Variants in MAP3K15 observed in about 807,000 individuals in gnomAD.
MAP3K15 encodes mitogen-activated protein kinase kinase kinase 15.
MAP3K15 carries 124 observed loss-of-function variants against 99.5 expected under a neutral mutation model. The ratio of observed to expected loss-of-function variants is 1.25; its 90% CI spans 1.08 to 1.45. The LOEUF is 1.45. MAP3K15 is among the 40% of genes most tolerant of loss of function. The pLI, the probability that MAP3K15 is intolerant of heterozygous loss-of-function variation, is 0.00. For missense variants in MAP3K15, 1,242 were observed against 1,079.7 expected, an observed-to-expected ratio of 1.15 and a Z score of -2.11; for synonymous variants, 494 against 439.6, an observed-to-expected ratio of 1.12 and a Z score of -1.55.
chrX:19,487,783 AAC>A (rs2064339148), intron 2 of MAP3K15, among the ~76,000 whole-genome samples: 1 of 111,938 alleles, frequency 8.9e-6, no homozygotes, highest in Non-Finnish European at 1.9e-5. Flanking sequence ...AATCTCAAGA[AAC>A]ACAATGAAAA....
At chrX:19,371,243 G>A in intron 23 of MAP3K15, 102 bp downstream of exon 23, 1 of 925,231 alleles carries the variant, frequency 1.1e-6, no homozygotes. Context: ...TGAAGCTTGG[G>A]ATTCAGGTGT....
At chrX:19,381,343 T>C (rs1244959075) in intron 18 of MAP3K15, among the ~76,000 whole-genome samples, 1 of 110,919 alleles carries the variant, frequency 9.0e-6, no homozygotes, top group Non-Finnish European at 1.9e-5. Flanking sequence ...GAATCTGGGA[T>C]GGGAGAGCAG....
intron 6 of MAP3K15, among the ~76,000 whole-genome samples, chrX:19,456,503 C>T (rs768269625): frequency 8.9e-6 from 1 of 112,203 alleles, no homozygotes; most frequent in Non-Finnish European, 1.9e-5. Context: ...CACAAGGGAA[C>T]TTCTGGGGTG....
intron 19 of MAP3K15, among the ~76,000 whole-genome samples, chrX:19,379,539 C>G (rs2063444044): frequency 9.7e-6 from 1 of 103,397 alleles, no homozygotes; most frequent in African/African-American, 3.7e-5. Flanking sequence ...CCTCTGCCTC[C>G]TGGATTCAAG....
At chrX:19,394,817 TTTTTTTTTTTTTTTTTTTAAA>T (rs2063555832) in intron 16 of MAP3K15, among the ~76,000 whole-genome samples, 2 of 63,386 alleles carry the variant, frequency 3.2e-5, no homozygotes, top group African/African-American at 1.9e-4. Flanking sequence ...TTTTTTTTTT[TTTTTTTTTTTTTTTTTTTAAA>T]AAGAGTGATG....
At chrX:19,428,598 A>C (rs1237939450) in intron 7 of MAP3K15, among the ~76,000 whole-genome samples, 6 of 112,422 alleles carry the variant, frequency 5.3e-5, no homozygotes, top group Non-Finnish European at 1.1e-4. Context: ...AAATCACACA[A>C]ATTCAAGTCT....
intron 19 of MAP3K15, among the ~76,000 whole-genome samples, chrX:19,374,988 C>T (rs1483819381): frequency 1.8e-5 from 2 of 110,703 alleles, no homozygotes; most frequent in Non-Finnish European, 3.8e-5. Context: ...CCAGGAGGTA[C>T]GACCCCGTGG....
At chrX:19,447,059 T>A (rs1007651074) in intron 6 of MAP3K15, among the ~76,000 whole-genome samples, 16 of 110,541 alleles carry the variant, frequency 1.4e-4, no homozygotes, top group Non-Finnish European at 3.8e-5. Flanking sequence ...GGGACTATAG[T>A]TGTACACCAC....
At chrX:19,361,776 G>A (rs2063291211) in intron 26 of MAP3K15, 183 bp from the exon 27 acceptor site, 4 of 366,328 alleles carry the variant, frequency 1.1e-5, no homozygotes, top group Non-Finnish European at 1.9e-5. Context: ...TCACTTTCTA[G>A]AAAGCCTCCT....
At chrX:19,419,110 C>G (rs1162475419) in intron 9 of MAP3K15, among the ~76,000 whole-genome samples, 4 of 112,135 alleles carry the variant, frequency 3.6e-5, no homozygotes, top group African/African-American at 6.5e-5. Flanking sequence ...ACCATCAAGG[C>G]TAGGAAGAAA....
intron 19 of MAP3K15, among the ~76,000 whole-genome samples, chrX:19,379,184 C>T (rs1056958334): frequency 3.7e-5 from 4 of 109,482 alleles, no homozygotes; most frequent in Non-Finnish European, 7.6e-5. Flanking sequence ...ATCTTTTAAA[C>T]GGCTAAATAA....
Position 19,425,623 on chromosome X carries a change from C to T in MAP3K15, c.1347G>A (p.Val449=). Residue 449 remains valine (V), a synonymous_variant, in exon 9 of 29, where the codon GTG becomes GTA. Transcript: ENST00000338883. ...SLEKMNNYWD[V]GQFFSVSMLA... ...GCATGCTGACGCTGAAGAACTGACCCACATCCCAGTAATTGTTCATTTTCT... is the reference window on the plus strand; with the variant it reads ...GCATGCTGACGCTGAAGAACTGACCTACATCCCAGTAATTGTTCATTTTCT... The T allele has an allele frequency of 1.7e-6, 2 of 1,199,213 alleles. No homozygotes were observed. Among genetic ancestry groups the T allele is most frequent in the South Asian group, 1.8e-5 (1 of 56,755 alleles).
chrX:19,510,901 G>T (rs960772356), intron 1 of MAP3K15, among the ~76,000 whole-genome samples: 1 of 111,844 alleles, frequency 8.9e-6, no homozygotes, highest in Non-Finnish European at 1.9e-5. Context: ...ACCAATAAAA[G>T]ACAAACACAG....
rs192377309 is a variant in MAP3K15 at position 19,386,413 on chromosome X, G to A, written c.2431+5589C>T. 2.2e-4 allele frequency among the ~76,000 whole-genome samples: 25 copies of A among 111,439 alleles called. No homozygotes were observed. The East Asian group carries it at 4.0e-3, about 18-fold the overall frequency. On this transcript the variant is annotated intron_variant, in intron 18 of 28. Transcript: ENST00000338883. Reference sequence around the variant, plus strand: ...GGAGGTTGTACTGAGCCATGAACGCGCCACTGCACTCCAGCCTGGGCGACA... The same window carrying A: ...GGAGGTTGTACTGAGCCATGAACGCACCACTGCACTCCAGCCTGGGCGACA...
chrX:19,361,662 T>A, intron 26 of MAP3K15, 69 bp from the exon 27 acceptor site: 1 of 722,593 alleles, frequency 1.4e-6, no homozygotes. Flanking sequence ...CCAGTTGGAT[T>A]AATAAATGAT....
At chrX:19,491,447 C>A (rs1208389867) in intron 1 of MAP3K15, among the ~76,000 whole-genome samples, 2 of 110,203 alleles carry the variant, frequency 1.8e-5, no homozygotes, top group African/African-American at 6.6e-5. Context: ...TGTCCATGAC[C>A]TGAGGCTCTG....
chrX:19,362,856 TTAAAA>T lies in MAP3K15; in HGVS notation c.3567-11_3567-7del. 1 of 965,955 alleles carries T rather than the reference TTAAAA, an allele frequency of 1.0e-6. No individual in the cohort carries two copies. The highest frequency in any genetic ancestry group is 1.4e-6 in the Non-Finnish European group (1 of 712,206). The allele number at this position is 965,955 out of a possible 1,213,427, so 79.6% of individuals were successfully genotyped here. A position where few individuals can be genotyped will look rare whatever the true frequency, so the allele number is the denominator to read the frequency against. On this transcript the variant is annotated splice_region_variant and splice_polypyrimidine_tract_variant and intron_variant, in intron 25 of 28. Coordinates refer to ENST00000338883, the MANE Select transcript of MAP3K15 (RefSeq NM_001001671.4). ...CAACTAGGTGTTCCAAAAGTCTGGT[TTAAAA>T]AAAAAAAAAAAAAGCCATTATCCAG...
At position 19,510,495 on chromosome X, in the gene MAP3K15, G is replaced by A. The variant is rs761487725; in HGVS notation, c.361+4406C>T. On this transcript the variant is annotated intron_variant, in intron 1 of 28. Transcript: ENST00000338883. ...AAGGCCTTCGATAAAATTCAACACC[G>A]CTTCATGCTAAAAACTCTCAACAAA... 3.6e-5 allele frequency among the ~76,000 whole-genome samples: 4 copies of A among 111,979 alleles called. No homozygotes were observed. The East Asian group carries it at 8.4e-4, about 23-fold the overall frequency.
chrX:19,378,172 G>C (rs984734569), intron 19 of MAP3K15, among the ~76,000 whole-genome samples: 2 of 112,621 alleles, frequency 1.8e-5, no homozygotes, highest in African/African-American at 6.4e-5. Context: ...AAGCCAGGAA[G>C]ACGCCTCTGG....
Sources: allele counts gnomAD v4.1 joint callset (sites outside exome capture counted in the v4.1 genomes callset), GRCh38; gene constraint gnomAD v4.1.1; transcripts MANE v1.5; gene names NCBI Gene and HGNC (gene_info 2026-07-23, HGNC 2026-07-21).